Variants in CDC14B observed in about 807,000 individuals in gnomAD.
The protein encoded by CDC14B is cell division cycle 14B, also known as dual specificity protein phosphatase CDC14B.
Under a neutral mutation model 64.2 loss-of-function variants are expected in CDC14B, and 22 were observed. The ratio of observed to expected loss-of-function variants is 0.34; its 90% confidence interval spans 0.24 to 0.49. The LOEUF is 0.49. Among genes scored for constraint, CDC14B ranks in the 20% least tolerant of loss-of-function variants. The probability of loss-of-function intolerance (pLI) is 0.99; values close to 1 mark genes in which losing one functional copy is unlikely to be tolerated. For synonymous variants in CDC14B, 191 were observed against 215.8 expected, an observed-to-expected ratio of 0.89 and a Z score of 1.01; for missense variants, 498 against 629.9, an observed-to-expected ratio of 0.79 and a Z score of 2.24.
chr9:96,554,768 T>C (rs1198281072), intron 4 of CDC14B, among the ~76,000 whole-genome samples: 1 of 152,200 alleles, frequency 6.6e-6, no homozygotes, highest in Non-Finnish European at 1.5e-5. Flanking sequence ...TGGCCAGGCA[T>C]GAAGGAAGTA....
chr9:96,603,150 A>C (rs1846616666), intron 1 of CDC14B, among the ~76,000 whole-genome samples: 1 of 141,620 alleles, frequency 7.1e-6, no homozygotes, highest in Non-Finnish European at 1.5e-5. Context: ...GAGGTGATAG[A>C]AACGGACACA....
At chr9:96,591,869 C>A (rs1224298130) in intron 1 of CDC14B, among the ~76,000 whole-genome samples, 1 of 151,838 alleles carries the variant, frequency 6.6e-6, no homozygotes, top group Non-Finnish European at 1.5e-5. Context: ...ACTCAGCCTT[C>A]CGAGTAGCTG....
chr9:96,504,898 G>C (rs1223478146), intron 13 of CDC14B, among the ~76,000 whole-genome samples: 1 of 152,140 alleles, frequency 6.6e-6, no homozygotes, highest in African/African-American at 2.4e-5. Flanking sequence ...AAAGAGGCCG[G>C]GCGCCGTGGC....
chr9:96,607,372 T>G (rs1847022496), intron 1 of CDC14B, among the ~76,000 whole-genome samples: 1 of 151,554 alleles, frequency 6.6e-6, no homozygotes, highest in African/African-American at 2.4e-5. Flanking sequence ...TTTTTTCATT[T>G]TGGAGCAAAG....
chr9:96,496,023 G>A (rs1414944987), downstream of CDC14B, among the ~76,000 whole-genome samples: 2 of 152,134 alleles, frequency 1.3e-5, no homozygotes, highest in African/African-American at 4.8e-5. Context: ...TCAGATCATC[G>A]CACAGGGGCT....
At chr9:96,532,445 T>G (rs759960208) in intron 9 of CDC14B, among the ~76,000 whole-genome samples, 1 of 152,214 alleles carries the variant, frequency 6.6e-6, no homozygotes, top group Non-Finnish European at 1.5e-5. Flanking sequence ...TTATAATGCA[T>G]GTTCACATGG....
chr9:96,562,856 G>T, intron 3 of CDC14B, 71 bp from the exon 4 acceptor site: 2 of 1,007,346 alleles, frequency 2.0e-6, no homozygotes, highest in Non-Finnish European at 3.1e-6. Context: ...ATTTTGTGAT[G>T]AAGATCAATT....
intron 11 of CDC14B, among the ~76,000 whole-genome samples, chr9:96,522,914 C>T (rs1175427627): frequency 6.6e-6 from 1 of 152,212 alleles, no homozygotes; most frequent in East Asian, 1.9e-4. Context: ...CTGCTACCCC[C>T]TAAGCCTTTG....
chr9:96,492,281 C>T (rs1833110428), exon 14 of CDC14B: 1 of 152,322 alleles, frequency 6.6e-6, no homozygotes, highest in South Asian at 2.1e-4. Flanking sequence ...TGGATCATGT[C>T]TGAATCAGGA....
At chr9:96,575,935 T>C (rs980244644) in intron 1 of CDC14B, among the ~76,000 whole-genome samples, 7 of 152,220 alleles carry the variant, frequency 4.6e-5, no homozygotes, top group Non-Finnish European at 1.0e-4. Context: ...AGGTATGCTA[T>C]GCAGTTGCTA....
At chr9:96,610,685 A>G (rs1564394328) in intron 1 of CDC14B, among the ~76,000 whole-genome samples, 1 of 151,988 alleles carries the variant, frequency 6.6e-6, no homozygotes, top group African/African-American at 2.4e-5. Flanking sequence ...TTATAGTTAT[A>G]ACAACTCATT....
intron 1 of CDC14B, among the ~76,000 whole-genome samples, chr9:96,580,020 TAC>T (rs1845050145): frequency 6.6e-6 from 1 of 152,042 alleles, no homozygotes; most frequent in Non-Finnish European, 1.5e-5. Context: ...ATCTTAAAAT[TAC>T]ACACAGTCCG....
chr9:96,569,443 G>C (rs1479246145), intron 1 of CDC14B, among the ~76,000 whole-genome samples: 4 of 152,174 alleles, frequency 2.6e-5, no homozygotes, highest in African/African-American at 9.7e-5. Flanking sequence ...CAAACCTTAA[G>C]TTCAATTCCT....
chr9:96,602,416 G>A (rs751068090), intron 1 of CDC14B, among the ~76,000 whole-genome samples: 35 of 152,134 alleles, frequency 2.3e-4, no homozygotes, highest in Non-Finnish European at 4.0e-4. Context: ...ATGTTAGTCC[G>A]TTTTCACGCT....
chr9:96,574,130 G>A (rs1186298798), intron 1 of CDC14B, among the ~76,000 whole-genome samples: 1 of 151,232 alleles, frequency 6.6e-6, no homozygotes, highest in South Asian at 2.1e-4. Context: ...TTGGGTGACA[G>A]AGTGAGACTC....
intron 1 of CDC14B, among the ~76,000 whole-genome samples, chr9:96,610,935 T>C (rs1225643878): frequency 6.6e-6 from 1 of 152,110 alleles, no homozygotes; most frequent in Non-Finnish European, 1.5e-5. Context: ...GAAAACTGAA[T>C]CTGCTACCTA....
At chr9:96,576,018 G>C (rs1242457784) in intron 1 of CDC14B, among the ~76,000 whole-genome samples, 1 of 152,228 alleles carries the variant, frequency 6.6e-6, no homozygotes, top group East Asian at 1.9e-4. Flanking sequence ...GCTCGCGCCT[G>C]TAATCCCAGC....
At chr9:96,564,494 G>A (rs1029455492) in intron 3 of CDC14B, among the ~76,000 whole-genome samples, 15 of 152,248 alleles carry the variant, frequency 9.9e-5, no homozygotes, top group East Asian at 5.8e-4. Flanking sequence ...CAGACAATAC[G>A]AGGTTCACTT....
At chr9:96,545,753 G>A (rs1037071656) in intron 5 of CDC14B, among the ~76,000 whole-genome samples, 8 of 148,956 alleles carry the variant, frequency 5.4e-5, no homozygotes, top group Middle Eastern at 3.5e-3. Flanking sequence ...GCACAGCCCC[G>A]CTCCAATCTG....
Sources: allele counts gnomAD v4.1 joint callset (sites outside exome capture counted in the v4.1 genomes callset), GRCh38; gene constraint gnomAD v4.1.1; transcripts MANE v1.5; gene names NCBI Gene and HGNC (gene_info 2026-07-23, HGNC 2026-07-21).